LHFPL1: variants seen among roughly 807,000 people sequenced by gnomAD.
LHFPL1 encodes the protein LHFPL tetraspan subfamily member 1 protein.
LHFPL1 carries 4 observed loss-of-function variants against 12.1 expected under a neutral mutation model. That is an observed-to-expected ratio of 0.33 (90% confidence interval 0.16 to 0.76). The LOEUF (loss-of-function observed/expected upper bound fraction) is 0.76, where lower values mean the gene tolerates loss of function less well. Ranked by LOEUF, LHFPL1 falls within the 30% of genes least tolerant of loss-of-function variation. The pLI, the probability that LHFPL1 is intolerant of heterozygous loss-of-function variation, is 0.61. For missense variants in LHFPL1, 141 were observed against 174.1 expected (o/e 0.81, Z 1.07); for synonymous variants, 52 against 61.9 (o/e 0.84, Z 0.75).
At chrX:112,643,298 G>A (rs1463957911) in intron 3 of LHFPL1, among the ~76,000 whole-genome samples, 1 of 104,216 alleles carries the variant, frequency 9.6e-6, no homozygotes, top group African/African-American at 3.5e-5. Context: ...AGAATTGCTT[G>A]AGCCTGGGGG....
chrX:112,644,982 C>A (rs1930643877), intron 3 of LHFPL1, among the ~76,000 whole-genome samples: 2 of 111,926 alleles, frequency 1.8e-5, no homozygotes, highest in Non-Finnish European at 3.8e-5. Context: ...AGGAAATGAA[C>A]CTCCAGGAGA....
chrX:112,634,666 T>C (rs1354910601), intron 3 of LHFPL1, among the ~76,000 whole-genome samples: 1 of 111,656 alleles, frequency 9.0e-6, no homozygotes, highest in African/African-American at 3.3e-5. Flanking sequence ...GACAGAGTGG[T>C]CAGCTCCAGA....
At chrX:112,676,860 G>A (rs946990521) in intron 1 of LHFPL1, among the ~76,000 whole-genome samples, 13 of 111,789 alleles carry the variant, frequency 1.2e-4, no homozygotes, top group African/African-American at 4.2e-4. Context: ...CTTTTGTTGG[G>A]TCCTCAGAGG....
chrX:112,645,086 G>A (rs960495164), intron 3 of LHFPL1, among the ~76,000 whole-genome samples: 1 of 112,210 alleles, frequency 8.9e-6, no homozygotes, highest in African/African-American at 3.2e-5. Flanking sequence ...TTCCCTCCCA[G>A]AAGCCAAGTC....
intron 3 of LHFPL1, among the ~76,000 whole-genome samples, chrX:112,655,318 G>A (rs1181382232): frequency 8.9e-6 from 1 of 112,111 alleles, no homozygotes; most frequent in African/African-American, 3.2e-5. Flanking sequence ...TTCTCTATGG[G>A]AAAAGTATCA....
intron 3 of LHFPL1, among the ~76,000 whole-genome samples, chrX:112,654,375 C>A (rs1930936687): frequency 2.7e-5 from 3 of 110,441 alleles, no homozygotes; most frequent in Non-Finnish European, 5.7e-5. Flanking sequence ...ATTATGTTAT[C>A]CCTGCAATGG....
chrX:112,632,565 T>C (rs1464307618), intron 3 of LHFPL1, among the ~76,000 whole-genome samples: 2 of 110,850 alleles, frequency 1.8e-5, no homozygotes, highest in African/African-American at 6.6e-5. Flanking sequence ...AGAAGAGAGA[T>C]AGGCAGCAAC....
chrX:112,667,415 CAG>C (rs1295273989), intron 2 of LHFPL1, among the ~76,000 whole-genome samples: 1 of 111,929 alleles, frequency 8.9e-6, no homozygotes, highest in Non-Finnish European at 1.9e-5. Context: ...GAAACGAGAC[CAG>C]AGAGTTGGAA....
intron 1 of LHFPL1, among the ~76,000 whole-genome samples, chrX:112,679,440 A>C (rs1230613491): frequency 3.6e-5 from 4 of 111,624 alleles, no homozygotes; most frequent in African/African-American, 1.3e-4. Context: ...TCAACCTACC[A>C]CATTAGCAAA....
intron 3 of LHFPL1, among the ~76,000 whole-genome samples, chrX:112,644,439 T>A (rs1930626520): frequency 9.3e-6 from 1 of 108,069 alleles, no homozygotes; most frequent in African/African-American, 3.4e-5. Flanking sequence ...CAAATTAGCA[T>A]ATATTTCTCC....
intron 3 of LHFPL1, among the ~76,000 whole-genome samples, chrX:112,641,785 G>T (rs1930516659): frequency 8.9e-6 from 1 of 112,006 alleles, no homozygotes; most frequent in Non-Finnish European, 1.9e-5. Flanking sequence ...TACAAAATTA[G>T]TATGTCTGGG....
At chrX:112,675,298 A>G (rs1931627213) in intron 1 of LHFPL1, among the ~76,000 whole-genome samples, 1 of 111,221 alleles carries the variant, frequency 9.0e-6, no homozygotes, top group Admixed American at 9.5e-5. Flanking sequence ...TCCCAATATA[A>G]CAACCAGTAG....
At chrX:112,664,865 C>G (rs933673342) in intron 2 of LHFPL1, among the ~76,000 whole-genome samples, 2 of 112,110 alleles carry the variant, frequency 1.8e-5, no homozygotes, top group African/African-American at 6.5e-5. Flanking sequence ...CTGCCACCTT[C>G]TGAAAGAATG....
chrX:112,631,702 C>T (rs1315099489), intron 3 of LHFPL1, 101 bp from the exon 4 acceptor site: 1 of 580,261 alleles, frequency 1.7e-6, no homozygotes, highest in Non-Finnish European at 2.6e-6. Flanking sequence ...AGTTTTTATA[C>T]ATTCTCTTTG....
At chrX:112,646,826 A>G (rs956272063) in intron 3 of LHFPL1, among the ~76,000 whole-genome samples, 1 of 111,448 alleles carries the variant, frequency 9.0e-6, no homozygotes, top group African/African-American at 3.3e-5. Context: ...AAAACAATAG[A>G]GCTGAAGTGT....
At position 112,671,362 on chromosome X, in the gene LHFPL1, G is replaced by T. The variant is rs1931499503; in HGVS notation, c.29C>A (p.Thr10Asn). Residue 10 changes from threonine (T) to asparagine (N), a missense_variant, in exon 2 of 4, where the codon ACC becomes AAC. Coordinates refer to ENST00000371968, the MANE Select transcript of LHFPL1 (RefSeq NM_178175.4). ...AACAAGGGACAGGAAGGCCCAGAGGGTTCCCACCATGGTCAGGCTGCTCCT... is the reference window on the plus strand; with the variant it reads ...AACAAGGGACAGGAAGGCCCAGAGGTTTCCCACCATGGTCAGGCTGCTCCT... MRSSLTMVG[T>N]LWAFLSLVTA... is the part of the protein sequence containing the mutation. 1 of 1,210,245 alleles carries T rather than the reference G, an allele frequency of 8.3e-7. No homozygotes were observed. Among genetic ancestry groups the T allele is most frequent in the African/African-American group, 1.7e-5 (1 of 57,234 alleles).
chrX:112,651,765 C>T (rs1476225399), intron 3 of LHFPL1, among the ~76,000 whole-genome samples: 1 of 112,297 alleles, frequency 8.9e-6, no homozygotes, highest in African/African-American at 3.2e-5. Context: ...CTCCTGCTTC[C>T]ACTCTCGTCA....
intron 3 of LHFPL1, among the ~76,000 whole-genome samples, chrX:112,651,334 T>C (rs1930848767): frequency 8.9e-6 from 1 of 112,208 alleles, no homozygotes; most frequent in Non-Finnish European, 1.9e-5. Context: ...ACTTGGAACA[T>C]TGCCTGGCAC....
intron 3 of LHFPL1, among the ~76,000 whole-genome samples, chrX:112,638,759 A>C (rs1178696282): frequency 8.9e-6 from 1 of 111,961 alleles, no homozygotes; most frequent in African/African-American, 3.2e-5. Flanking sequence ...AGTTCAGGAA[A>C]TAATAAACAC....
Sources: gnomAD v4.1 joint callset for allele counts (sites outside exome capture counted in the v4.1 genomes callset) on GRCh38, gnomAD v4.1.1 for gene constraint, MANE v1.5 for transcripts, NCBI Gene and HGNC (gene_info 2026-07-23, HGNC 2026-07-21) for gene names.